Variants in MTMR7 observed in about 807,000 individuals in gnomAD.
MTMR7 encodes phosphatidylinositol-3-phosphate phosphatase MTMR7.
Under a neutral mutation model 81.2 loss-of-function variants are expected in MTMR7, and 76 were observed. The observed-to-expected ratio is 0.94, with a 90% confidence interval of 0.78 to 1.13. The LOEUF (loss-of-function observed/expected upper bound fraction) is 1.13, where lower values mean the gene tolerates loss of function less well. MTMR7 is among the 50% of genes most tolerant of loss of function. The probability of loss-of-function intolerance (pLI) is 0.00; values close to 1 mark genes in which losing one functional copy is unlikely to be tolerated. For synonymous variants in MTMR7, 372 were observed against 289.8 expected, an observed-to-expected ratio of 1.28 and a Z score of -2.88; for missense variants, 1,044 against 820.0, an observed-to-expected ratio of 1.27 and a Z score of -3.34.
chr8:17,337,357 C>T (rs866436370), intron 6 of MTMR7, among the ~76,000 whole-genome samples: 2 of 129,952 alleles, frequency 1.5e-5, no homozygotes, highest in East Asian at 2.8e-4. Flanking sequence ...AGTAAAACTC[C>T]GTCCCAAAAA....
At chr8:17,364,201 T>C (rs145039135) in intron 3 of MTMR7, among the ~76,000 whole-genome samples, 4,498 of 151,690 alleles carry the variant, frequency 0.03, 161 homozygotes, top group African/African-American at 0.091. Flanking sequence ...GGCTAATTTT[T>C]TGCATTTTTT....
intron 2 of MTMR7, among the ~76,000 whole-genome samples, chr8:17,371,649 G>C (rs141299916): frequency 6.6e-6 from 1 of 152,092 alleles, no homozygotes; most frequent in Non-Finnish European, 1.5e-5. Context: ...GTATCAACAT[G>C]GGATTGTTGT....
At chr8:17,360,874 T>C (rs899996381) in intron 4 of MTMR7, among the ~76,000 whole-genome samples, 1 of 151,950 alleles carries the variant, frequency 6.6e-6, no homozygotes, top group African/African-American at 2.4e-5. Context: ...CCTCTCTGGG[T>C]TTCAAGTTCT....
chr8:17,396,874 C>G (rs1223761594), intron 1 of MTMR7, among the ~76,000 whole-genome samples: 2 of 151,878 alleles, frequency 1.3e-5, no homozygotes, highest in African/African-American at 4.8e-5. Flanking sequence ...CCTTCATTAA[C>G]AACTCAGCTA....
At chr8:17,334,039 G>A (rs1284652118) in intron 6 of MTMR7, among the ~76,000 whole-genome samples, 1 of 152,280 alleles carries the variant, frequency 6.6e-6, no homozygotes, top group East Asian at 1.9e-4. Flanking sequence ...TGAAATAGCT[G>A]ATTATCCTTG....
intron 1 of MTMR7, among the ~76,000 whole-genome samples, chr8:17,409,750 G>A (rs1821688952): frequency 6.6e-6 from 1 of 152,152 alleles, no homozygotes; most frequent in Non-Finnish European, 1.5e-5. Context: ...TGATTTAGAT[G>A]GGGGAGTTGG....
At chr8:17,341,860 T>C (rs1819416804) in intron 5 of MTMR7, among the ~76,000 whole-genome samples, 1 of 152,124 alleles carries the variant, frequency 6.6e-6, no homozygotes, top group African/African-American at 2.4e-5. Context: ...CTCAAATGCA[T>C]AGGATACGAT....
chr8:17,304,579 T>G, intron 11 of MTMR7, 60 bp from the exon 12 acceptor site: 1 of 1,536,872 alleles, frequency 6.5e-7, no homozygotes, highest in Non-Finnish European at 8.9e-7. Flanking sequence ...ACAGTAGATA[T>G]GTTATATTAA....
chr8:17,341,297 A>G, intron 6 of MTMR7, 66 bp downstream of exon 6: 3 of 1,592,918 alleles, frequency 1.9e-6, no homozygotes, highest in Non-Finnish European at 2.6e-6. Flanking sequence ...GCAGTCGGCT[A>G]GCCTTTGCCT....
chr8:17,301,986 G>T, intron 13 of MTMR7, 168 bp downstream of exon 13: 1 of 803,548 alleles, frequency 1.2e-6, no homozygotes, highest in Non-Finnish European at 1.9e-6. Flanking sequence ...GCCTAGGTTT[G>T]GGCTTCGGTT....
intron 3 of MTMR7, among the ~76,000 whole-genome samples, chr8:17,369,306 T>G (rs1410466038): frequency 6.6e-6 from 1 of 152,216 alleles, no homozygotes; most frequent in Admixed American, 6.5e-5. Context: ...TGAAAAAGCC[T>G]CAACCAACTG....
intron 5 of MTMR7, among the ~76,000 whole-genome samples, chr8:17,346,926 G>A (rs938081313): frequency 1.4e-4 from 19 of 139,766 alleles, no homozygotes; most frequent in South Asian, 5.0e-4. Flanking sequence ...AAGGGGCGGC[G>A]CCTCACACCT....
rs564846266 is a variant in MTMR7 at position 17,302,268 on chromosome 8, T to C, written c.1506A>G (p.Gly502=). 6.2e-7 allele frequency: 1 copy of C among 1,613,148 alleles called. No homozygotes were observed. The highest frequency in any genetic ancestry group is 8.5e-7 in the Non-Finnish European group (1 of 1,179,606). Residue 502 remains glycine, a synonymous_variant, in exon 13 of 14, where the codon GGA becomes GGG. Coordinates refer to ENST00000180173, the MANE Select transcript of MTMR7 (RefSeq NM_004686.5). ...TCCCCTTTTCAAAGCGGTTATACATTCCACTCCAAAACCTGGAAAGGATGG... is the reference window on the plus strand; with the variant it reads ...TCCCCTTTTCAAAGCGGTTATACATCCCACTCCAAAACCTGGAAAGGATGG... ...PCNFMYKFWS[G]MYNRFEKGMQ... is the part of the protein sequence containing the mutation.
intron 1 of MTMR7, among the ~76,000 whole-genome samples, chr8:17,405,306 G>C (rs1326234489): frequency 6.6e-6 from 1 of 152,190 alleles, no homozygotes; most frequent in Admixed American, 6.5e-5. Flanking sequence ...GAAGACACAA[G>C]ACTTCTGGGT....
chr8:17,374,364 T>C (rs980911447), intron 1 of MTMR7, among the ~76,000 whole-genome samples: 1 of 152,138 alleles, frequency 6.6e-6, no homozygotes, highest in African/African-American at 2.4e-5. Context: ...GGCTCACGCC[T>C]GTAATCCCAG....
At chr8:17,406,048 T>C (rs1334161121) in intron 1 of MTMR7, among the ~76,000 whole-genome samples, 2 of 152,204 alleles carry the variant, frequency 1.3e-5, no homozygotes, top group Non-Finnish European at 2.9e-5. Flanking sequence ...TCCTTTGAAC[T>C]AAATTTTCTG....
intron 4 of MTMR7, among the ~76,000 whole-genome samples, chr8:17,352,516 A>C (rs753901276): frequency 6.6e-6 from 1 of 152,192 alleles, no homozygotes; most frequent in Non-Finnish European, 1.5e-5. Flanking sequence ...AACATAAGGG[A>C]CAAGCTTTAT....
At chr8:17,405,864 ACACACACACACACACC>A (rs1266491790) in intron 1 of MTMR7, among the ~76,000 whole-genome samples, 6 of 98,254 alleles carry the variant, frequency 6.1e-5, no homozygotes, top group Non-Finnish European at 1.3e-4. Context: ...ACACACACAC[ACACACACACACACACC>A]ACAGAGAAAA....
intron 12 of MTMR7, among the ~76,000 whole-genome samples, chr8:17,302,704 C>CCG (rs66521951): frequency 7.9e-5 from 1 of 12,616 alleles, no homozygotes; most frequent in Non-Finnish European, 3.9e-4. Context: ...TTGGCAATAA[C>CCG]CCCCCCCCCC....
Sources: gnomAD v4.1 joint callset for allele counts (sites outside exome capture counted in the v4.1 genomes callset) on GRCh38, gnomAD v4.1.1 for gene constraint, MANE v1.5 for transcripts, NCBI Gene and HGNC (gene_info 2026-07-23, HGNC 2026-07-21) for gene names.